Variants in WASF3 observed in about 807,000 individuals in gnomAD.
WASF3 encodes actin-binding protein WASF3.
A neutral mutation model predicts 46.6 loss-of-function variants in WASF3; 11 were observed. The ratio of observed to expected loss-of-function variants is 0.24; its 90% CI spans 0.15 to 0.39. The LOEUF (loss-of-function observed/expected upper bound fraction) is 0.39, where lower values mean the gene tolerates loss of function less well. Ranked by LOEUF, WASF3 falls within the 10% of genes least tolerant of loss-of-function variation. The probability of loss-of-function intolerance (pLI) is 1.00; values close to 1 mark genes in which losing one functional copy is unlikely to be tolerated. For missense variants in WASF3, 576 were observed against 669.8 expected, an observed-to-expected ratio of 0.86 and a Z score of 1.55; for synonymous variants, 242 against 259.7, an observed-to-expected ratio of 0.93 and a Z score of 0.65.
At chr13:26,577,259 T>C (rs1879827343) in intron 1 of WASF3, 2 of 738,836 alleles carry the variant, frequency 2.7e-6, no homozygotes, top group East Asian at 5.0e-5. Flanking sequence ...CTCATGTTGA[T>C]GTCAGGACTA....
At chr13:26,618,867 C>T (rs1488755542) in intron 2 of WASF3, 1 of 152,142 alleles carries the variant, frequency 6.6e-6, no homozygotes, top group Non-Finnish European at 1.5e-5. Flanking sequence ...TGTAAATTGC[C>T]AAGATCTTTT....
chr13:26,568,329 A>C (rs532542979), intron 1 of WASF3, among the ~76,000 whole-genome samples: 4 of 152,126 alleles, frequency 2.6e-5, no homozygotes, highest in Admixed American at 1.3e-4. Context: ...CTGTTGGATG[A>C]ATCAGTGGTT....
rs997200613 is a variant in WASF3 at position 26,682,193 on chromosome 13, C to T, written c.984-414C>T. Among the ~76,000 whole-genome samples the T allele has an allele frequency of 2.0e-5, 3 of 152,148 alleles. No homozygotes were observed. Among genetic ancestry groups the T allele is most frequent in the Non-Finnish European group, 4.4e-5 (3 of 68,036 alleles). Reference sequence around the variant, plus strand: ...GCACTGCAGGCATGGGGCATTTCCACGGAGGTGGGTTAGAGAATGTAGAAA... The same window carrying T: ...GCACTGCAGGCATGGGGCATTTCCATGGAGGTGGGTTAGAGAATGTAGAAA... On this transcript the variant is annotated intron_variant, in intron 8 of 9. Transcript: ENST00000335327. This position sits in a 1 kb window ranked among gnomAD's most constrained non-coding sequence, Gnocchi z 4.4.
rs759308416 is a variant in WASF3 at position 26,681,334 on chromosome 13, C to T, written c.983+14C>T. The T allele has an allele frequency of 1.9e-5, 30 of 1,557,618 alleles. No homozygotes were observed. Among genetic ancestry groups the T allele is most frequent in the Non-Finnish European group, 2.6e-5 (30 of 1,152,806 alleles). On this transcript the variant is annotated intron_variant, in intron 8 of 9. Coordinates refer to ENST00000335327, the MANE Select transcript of WASF3 (RefSeq NM_006646.6). ...AGCAGACTACGGGTAACTCAGCATGCCTTGTACCCTAATCCCTCCTGGCCT... is the reference window on the plus strand; with the variant it reads ...AGCAGACTACGGGTAACTCAGCATGTCTTGTACCCTAATCCCTCCTGGCCT...
chr13:26,662,747 T>A (rs1376054972), intron 3 of WASF3, among the ~76,000 whole-genome samples: 1 of 152,176 alleles, frequency 6.6e-6, no homozygotes. Flanking sequence ...CTGCAGTCAC[T>A]CAATATACCC....
upstream of WASF3, among the ~76,000 whole-genome samples, chr13:26,557,177 G>C (rs1188648766): frequency 2.6e-5 from 4 of 152,168 alleles, no homozygotes; most frequent in African/African-American, 9.7e-5. Flanking sequence ...GAGATGGGAA[G>C]ATTTTAAGAA....
chr13:26,586,167 A>G (rs1243031113), intron 1 of WASF3, among the ~76,000 whole-genome samples: 1 of 152,084 alleles, frequency 6.6e-6, no homozygotes, highest in Non-Finnish European at 1.5e-5. Flanking sequence ...AAGTAGTTTA[A>G]TATTTGCCCT....
intron 1 of WASF3, among the ~76,000 whole-genome samples, chr13:26,591,738 T>A (rs1880301807): frequency 6.6e-6 from 1 of 151,818 alleles, no homozygotes; most frequent in South Asian, 2.1e-4. Flanking sequence ...AATTTGGGAG[T>A]TGTCAGGATA....
chr13:26,633,200 C>CTTTTTCTT (rs1881707199), intron 2 of WASF3, among the ~76,000 whole-genome samples: 1 of 90,436 alleles, frequency 1.1e-5, no homozygotes. Context: ...TTAGTTATTT[C>CTTTTTCTT]TTTTTTTTTT....
intron 1 of WASF3, among the ~76,000 whole-genome samples, chr13:26,608,532 C>T (rs1880872916): frequency 6.6e-6 from 1 of 152,170 alleles, no homozygotes; most frequent in Non-Finnish European, 1.5e-5. Context: ...TACTCTTCCC[C>T]ACCAGATAAA....
intron 2 of WASF3, among the ~76,000 whole-genome samples, chr13:26,630,922 A>G (rs1479713887): frequency 6.6e-6 from 1 of 152,074 alleles, no homozygotes; most frequent in Non-Finnish European, 1.5e-5. Context: ...GATGATGAGC[A>G]TTTTTTCATG....
At chr13:26,574,931 G>A (rs1242211437) in intron 1 of WASF3, among the ~76,000 whole-genome samples, 2 of 151,580 alleles carry the variant, frequency 1.3e-5, no homozygotes, top group East Asian at 3.9e-4. Context: ...GCACCTCCTG[G>A]GTTCACACCA....
intron 9 of WASF3, among the ~76,000 whole-genome samples, chr13:26,684,312 A>G (rs1202418188): frequency 1.3e-5 from 2 of 152,054 alleles, no homozygotes; most frequent in African/African-American, 4.8e-5. Flanking sequence ...CTGTCTACCA[A>G]GAGTAGATAC....
chr13:26,634,316 TTTC>T (rs1881749283), intron 2 of WASF3, among the ~76,000 whole-genome samples: 1 of 152,212 alleles, frequency 6.6e-6, no homozygotes, highest in Non-Finnish European at 1.5e-5. Flanking sequence ...CAACCCCTGT[TTTC>T]TTTGCTTTCC....
intron 1 of WASF3, among the ~76,000 whole-genome samples, chr13:26,602,727 A>G (rs1336775530): frequency 6.6e-6 from 1 of 152,180 alleles, no homozygotes; most frequent in Non-Finnish European, 1.5e-5. Flanking sequence ...TTATAGAGGT[A>G]ATTTTGAAAT....
chr13:26,652,556 A>G (rs1566063789), intron 3 of WASF3, among the ~76,000 whole-genome samples: 1 of 152,224 alleles, frequency 6.6e-6, no homozygotes, highest in African/African-American at 2.4e-5. Flanking sequence ...AAGTTGTAGA[A>G]TACACATTCT....
chr13:26,648,796 A>C (rs1882227249), intron 3 of WASF3, among the ~76,000 whole-genome samples: 1 of 152,190 alleles, frequency 6.6e-6, no homozygotes, highest in Non-Finnish European at 1.5e-5. Flanking sequence ...AGGAAACTAG[A>C]AGATAGAAGT....
At chr13:26,577,722 G>GGA in intron 1 of WASF3, 1 of 583,130 alleles carries the variant, frequency 1.7e-6, no homozygotes, top group Non-Finnish European at 2.9e-6. Flanking sequence ...CCTATTTGTG[G>GGA]AAAAAAAAAA....
chr13:26,633,200 C>CTTTTTGTTTTTTTTTTTTTTTTTTT (rs1881707199), intron 2 of WASF3, among the ~76,000 whole-genome samples: 1 of 90,420 alleles, frequency 1.1e-5, no homozygotes, highest in Non-Finnish European at 2.1e-5. Flanking sequence ...TTAGTTATTT[C>CTTTTTGTTTTTTTTTTTTTTTTTTT]TTTTTTTTTT....
Sources: allele counts gnomAD v4.1 joint callset (sites outside exome capture counted in the v4.1 genomes callset), GRCh38; gene constraint gnomAD v4.1.1; non-coding constraint Gnocchi (gnomAD v3.1); transcripts MANE v1.5; gene names NCBI Gene and HGNC (gene_info 2026-07-23, HGNC 2026-07-21).